The following KIF1A variants were observed in gnomAD, a reference collection of about 807,000 sequenced individuals.
KIF1A encodes the protein kinesin-like protein KIF1A.
Under a neutral mutation model 227.3 loss-of-function variants are expected in KIF1A, and 46 were observed. The observed-to-expected ratio is 0.20, with a 90% CI of 0.16 to 0.26. KIF1A has a LOEUF of 0.26. Among genes scored for constraint, KIF1A ranks in the 10% least tolerant of loss-of-function variants. The pLI is 1.00. For synonymous variants in KIF1A, 1,022 were observed against 1,012.8 expected, an observed-to-expected ratio of 1.01 and a Z score of -0.17; for missense variants, 1,683 against 2,485.9, an observed-to-expected ratio of 0.68 and a Z score of 6.87.
In KIF1A at chr2:240,789,174, C is replaced by T. The variant is rs904764343; in HGVS notation, c.183+62G>A. 16 of 1,365,890 alleles carry T rather than the reference C, an allele frequency of 1.2e-5. 1 individual carries two copies. Among genetic ancestry groups the T allele is most frequent in the South Asian group, 4.7e-5 (4 of 85,544 alleles). 84.6% of individuals were successfully genotyped at this position (1,365,890 alleles called of 1,614,324 possible). ...GCGGCTCAGAGAAGTTGAGGGACCC[C>T]GAGGGCCACATGGCCTATGCACTGC... On this transcript the variant is annotated intron_variant, in intron 3 of 48. Transcript: ENST00000498729. The surrounding 1 kb of genome is among the most constrained non-coding windows in gnomAD (Gnocchi z 4.8).
At position 240,726,563 on chromosome 2, in the gene KIF1A, GC is replaced by G. The variant is rs944533084; in HGVS notation, c.4122+262del. Among the ~76,000 whole-genome samples, 5 of 152,106 alleles carry G rather than the reference GC, an allele frequency of 3.3e-5. No individual in the cohort carries two copies. The highest frequency in any genetic ancestry group is 7.3e-5 in the Non-Finnish European group (5 of 68,040). On this transcript the variant is annotated intron_variant, in intron 39 of 48. Coordinates refer to ENST00000498729, the MANE Select transcript of KIF1A (RefSeq NM_001244008.2). The surrounding 1 kb of genome is among the most constrained non-coding windows in gnomAD (Gnocchi z 5.2). ...GAAGCGGAGGTTGCAGTGAGACTGC[GC>G]CATTGCACTCCAGCCTGGGCGACAA... is the stretch of plus-strand genomic sequence containing the variant.
intron 23 of KIF1A, among the ~76,000 whole-genome samples, chr2:240,762,123 AAC>A (rs2050605095): frequency 6.6e-6 from 1 of 152,070 alleles, no homozygotes; most frequent in African/African-American, 2.4e-5. Flanking sequence ...AATGAGGCCA[AAC>A]AGGGGAAGAT....
chr2:240,761,413 G>A, intron 23 of KIF1A, 36 bp from the exon 24 acceptor site: 7 of 1,537,116 alleles, frequency 4.6e-6, no homozygotes, highest in Non-Finnish European at 5.3e-6. Context: ...ATCGCAGGAA[G>A]GCCATGACCC....
chr2:240,788,494 G>A lies in KIF1A; in HGVS notation c.184-264C>T, dbSNP rs79495560. On this transcript the variant is annotated intron_variant, in intron 3 of 48. Coordinates refer to ENST00000498729, the MANE Select transcript of KIF1A (RefSeq NM_001244008.2). This position sits in a 1 kb window ranked among gnomAD's most constrained non-coding sequence, Gnocchi z 6.6. ...CAGCAGAGGGAACAGCATGTGAAAG[G>A]CCCAGAGGTGAGACCTCAAAGCCAA... is the stretch of plus-strand genomic sequence containing the variant. 3.9e-5 allele frequency among the ~76,000 whole-genome samples: 6 copies of A among 152,144 alleles called. No homozygotes were observed. The highest frequency in any genetic ancestry group is 1.4e-4 in the African/African-American group (6 of 41,420).
At chr2:240,718,558 T>G (rs1440188040) in intron 47 of KIF1A, among the ~76,000 whole-genome samples, 3 of 152,160 alleles carry the variant, frequency 2.0e-5, no homozygotes, top group Non-Finnish European at 2.9e-5. Context: ...AAACTTCTCC[T>G]CCAGCCAGCC....
chr2:240,811,972 G>T (rs2057900537), intron 1 of KIF1A, among the ~76,000 whole-genome samples: 2 of 152,088 alleles, frequency 1.3e-5, no homozygotes, highest in African/African-American at 4.8e-5. Flanking sequence ...GGGTATGTGG[G>T]TATGGCCAGC....
intron 23 of KIF1A, among the ~76,000 whole-genome samples, chr2:240,762,192 G>A: frequency 6.6e-6 from 1 of 152,256 alleles, no homozygotes. Context: ...TGAGATGGGT[G>A]CAAACCCCTC....
chr2:240,784,926 C>T (rs1465184223), intron 7 of KIF1A, 63 bp downstream of exon 7: 9 of 1,373,240 alleles, frequency 6.6e-6, no homozygotes, highest in Admixed American at 1.7e-5. Flanking sequence ...GCCTGACCAC[C>T]ACCCCTACCC....
intron 7 of KIF1A, 108 bp downstream of exon 7, chr2:240,784,881 C>A: frequency 1.1e-6 from 1 of 884,350 alleles, no homozygotes. Context: ...CCTGCACAGG[C>A]CAGCATTGGG....
chr2:240,777,662 C>A (rs1019056174), intron 10 of KIF1A, among the ~76,000 whole-genome samples: 1 of 152,188 alleles, frequency 6.6e-6, no homozygotes, highest in Non-Finnish European at 1.5e-5. Context: ...TGAGGACGCA[C>A]CCTTGGCTAA....
chr2:240,777,785 T>C (rs926982877), intron 10 of KIF1A, among the ~76,000 whole-genome samples: 6 of 152,216 alleles, frequency 3.9e-5, no homozygotes, highest in African/African-American at 1.4e-4. Flanking sequence ...GCCCGGCTCC[T>C]GCCGGCCTCG....
intron 2 of KIF1A, among the ~76,000 whole-genome samples, chr2:240,796,222 C>T (rs887385378): frequency 2.6e-5 from 4 of 152,218 alleles, no homozygotes; most frequent in Non-Finnish European, 5.9e-5. Context: ...GGTCACATTT[C>T]CAGACTCACA....
rs1371683732 is a variant in KIF1A, at chr2:240,760,818, G to A, written c.2291C>T (p.Thr764Met). ...KKVQFQFVLLTDTLYSPLPPD... is the reference protein window; with the variant it reads ...KKVQFQFVLLMDTLYSPLPPD... The stretch of plus-strand genomic sequence containing the variant: ...TGGCAGAGGGGAGTAGAGTGTGTCC[G>A]TCAGGAGGACAAACTGGAATTGTAC... The change falls in exon 25 of 49, where the codon ACG becomes ATG. Residue 764 changes from threonine (T) to methionine (M), a missense_variant. By Grantham distance (81) the Thr-to-Met change is moderately conservative. This residue lies in a region of KIF1A where 217 missense variants were observed against 427.0 expected (regional missense o/e 0.51). Coordinates refer to ENST00000498729, the MANE Select transcript of KIF1A (RefSeq NM_001244008.2). 1.9e-6 allele frequency: 3 copies of A among 1,608,042 alleles called. No homozygotes were observed. The highest frequency in any genetic ancestry group is 2.5e-6 in the Non-Finnish European group (3 of 1,177,856).
intron 37 of KIF1A, among the ~76,000 whole-genome samples, chr2:240,738,805 G>A (rs1487550874): frequency 6.6e-6 from 1 of 152,246 alleles, no homozygotes; most frequent in Non-Finnish European, 1.5e-5. Context: ...CCCGAAGGAT[G>A]CGTCCTTTCA....
chr2:240,758,533 C>T lies in KIF1A; in HGVS notation c.2445-36G>A, dbSNP rs199820156. On this transcript the variant is annotated intron_variant, in intron 25 of 48. Transcript: ENST00000498729. The surrounding 1 kb of genome is among the most constrained non-coding windows in gnomAD (Gnocchi z 5.2). The stretch of plus-strand genomic sequence containing the variant: ...GGCAGGGGTCAATGTGGACCCAGGC[C>T]CAGCGCTCAGCAGCTGGCACCGCAC... 92 of 1,515,674 alleles carry T rather than the reference C, an allele frequency of 6.1e-5. No individual in the cohort carries two copies. In the Admixed American group the frequency reaches 1.8e-3, roughly 30 times the overall value. The allele number at this position is 1,515,674 out of a possible 1,614,324, so 93.9% of individuals were successfully genotyped here.
intron 23 of KIF1A, among the ~76,000 whole-genome samples, chr2:240,762,306 T>C (rs2050626100): frequency 6.6e-6 from 1 of 152,202 alleles, no homozygotes; most frequent in South Asian, 2.1e-4. Context: ...ATGTGCACAG[T>C]GGACTCTTCC....
intron 6 of KIF1A, among the ~76,000 whole-genome samples, chr2:240,785,934 C>G (rs1004324205): frequency 6.6e-6 from 1 of 152,180 alleles, no homozygotes; most frequent in Non-Finnish European, 1.5e-5. Flanking sequence ...AGCCAGGTTG[C>G]TTATGGCTGC....
chr2:240,721,963 C>T, intron 43 of KIF1A, 79 bp from the exon 44 acceptor site: 1 of 1,189,634 alleles, frequency 8.4e-7, no homozygotes, highest in South Asian at 1.3e-5. Flanking sequence ...CTCTTCTACC[C>T]ACCCCTCCCC....
At position 240,807,130 on chromosome 2, in the gene KIF1A, GTATATATA is replaced by G. The variant is rs57742435; in HGVS notation, c.-60-9326_-60-9319del. Among the ~76,000 whole-genome samples, 46 of 119,490 alleles carry G rather than the reference GTATATATA, an allele frequency of 3.8e-4. 1 individual carries two copies. Among genetic ancestry groups the G allele is most frequent in the East Asian group, 1.4e-3 (6 of 4,344 alleles). The allele number at this position is 119,490 out of a possible 152,430, so 78.4% of individuals were successfully genotyped here. A position where few individuals can be genotyped will look rare whatever the true frequency, so the allele number is the denominator to read the frequency against. ...TGTGTGTGTGTGTGTGTGTGTGTGT[GTATATATA>G]TATATATATATATACACAGAGAGAG... On this transcript the variant is annotated intron_variant, in intron 1 of 48. Transcript: ENST00000498729.
Sources: allele counts gnomAD v4.1 joint callset (sites outside exome capture counted in the v4.1 genomes callset), GRCh38; gene constraint gnomAD v4.1.1; regional missense constraint gnomAD v4.1.1; non-coding constraint Gnocchi (gnomAD v3.1); transcripts MANE v1.5; gene names NCBI Gene and HGNC (gene_info 2026-07-23, HGNC 2026-07-21).